NRXN3: variants seen among roughly 807,000 people sequenced by gnomAD.
NRXN3 encodes neurexin III.
Under a neutral mutation model 137.6 loss-of-function variants are expected in NRXN3, and 32 were observed. The observed-to-expected ratio is 0.23, with a 90% CI of 0.18 to 0.31. NRXN3 has a LOEUF of 0.31. Ranked by LOEUF, NRXN3 falls within the 10% of genes least tolerant of loss-of-function variation. NRXN3 has a pLI of 1.00. For missense variants in NRXN3, 1,574 were observed against 2,062.5 expected (o/e 0.76, Z 4.59); for synonymous variants, 798 against 784.5 (o/e 1.02, Z -0.29).
At chr14:78,302,037 C>A (rs1305413183) in intron 4 of NRXN3, among the ~76,000 whole-genome samples, 1 of 152,134 alleles carries the variant, frequency 6.6e-6, no homozygotes, top group Non-Finnish European at 1.5e-5. Context: ...CTCCACCTCT[C>A]CACTGACGCT....
At chr14:79,159,238 A>C (rs1010102916) in intron 15 of NRXN3, among the ~76,000 whole-genome samples, 20 of 151,504 alleles carry the variant, frequency 1.3e-4, no homozygotes, top group Non-Finnish European at 1.6e-4. Flanking sequence ...CATTGCTTTG[A>C]TTGTGCTTTG....
intron 4 of NRXN3, among the ~76,000 whole-genome samples, chr14:78,462,737 G>C (rs1355995197): frequency 6.6e-6 from 1 of 152,100 alleles, no homozygotes; most frequent in African/African-American, 2.4e-5. Flanking sequence ...ATTTGGTATG[G>C]TGTTTCCCTT....
intron 1 of NRXN3, among the ~76,000 whole-genome samples, chr14:78,228,274 A>G (rs1002649909): frequency 6.7e-6 from 1 of 149,598 alleles, no homozygotes; most frequent in African/African-American, 2.5e-5. Context: ...CTCCTGTCTC[A>G]GCCTCCTATG....
chr14:78,956,705 G>C (rs1379515087), intron 10 of NRXN3, among the ~76,000 whole-genome samples: 1 of 152,150 alleles, frequency 6.6e-6, no homozygotes, highest in Non-Finnish European at 1.5e-5. Flanking sequence ...TTACTATTGT[G>C]ATTTCTATGG....
At chr14:78,841,234 T>G (rs2099011487) in intron 10 of NRXN3, among the ~76,000 whole-genome samples, 1 of 152,166 alleles carries the variant, frequency 6.6e-6, no homozygotes, top group Non-Finnish European at 1.5e-5. Flanking sequence ...GTGTCTCTGC[T>G]TTGCTAGAAA....
At chr14:79,108,899 G>T (rs951957576) in intron 15 of NRXN3, among the ~76,000 whole-genome samples, 1 of 152,078 alleles carries the variant, frequency 6.6e-6, no homozygotes, top group African/African-American at 2.4e-5. Context: ...CTAATGGGGA[G>T]ATATCATTAG....
At chr14:79,705,598 A>G (rs1335955080) in intron 19 of NRXN3, among the ~76,000 whole-genome samples, 8 of 152,044 alleles carry the variant, frequency 5.3e-5, no homozygotes, top group Admixed American at 2.0e-4. Flanking sequence ...GTCTCATTCA[A>G]TCTTCTCAGC....
chr14:78,779,320 A>G (rs573952207), intron 8 of NRXN3, among the ~76,000 whole-genome samples: 1 of 152,248 alleles, frequency 6.6e-6, no homozygotes, highest in South Asian at 2.1e-4. Context: ...TAGTCAGCAT[A>G]TTTATTAAAA....
intron 10 of NRXN3, among the ~76,000 whole-genome samples, chr14:78,946,431 T>G (rs2099365392): frequency 6.6e-6 from 1 of 152,166 alleles, no homozygotes; most frequent in Non-Finnish European, 1.5e-5. Context: ...TTCTTCCACA[T>G]GATTGGTGTT....
intron 15 of NRXN3, chr14:79,281,916 G>T (rs546076268): frequency 4.6e-4 from 70 of 152,192 alleles, no homozygotes; most frequent in African/African-American, 1.6e-3. Flanking sequence ...GTAAGTGGAA[G>T]CACATTGAGA....
At chr14:79,329,425 G>C (rs2091360533) in intron 15 of NRXN3, among the ~76,000 whole-genome samples, 1 of 152,148 alleles carries the variant, frequency 6.6e-6, no homozygotes, top group Non-Finnish European at 1.5e-5. Context: ...TAAACCAAGA[G>C]CAGGTGGTAC....
chr14:78,348,194 G>A (rs2083000934), intron 4 of NRXN3, among the ~76,000 whole-genome samples: 1 of 152,160 alleles, frequency 6.6e-6, no homozygotes, highest in African/African-American at 2.4e-5. Context: ...CCTGGGAACA[G>A]CTTGGAAATG....
intron 1 of NRXN3, among the ~76,000 whole-genome samples, chr14:78,200,139 G>A (rs2061551157): frequency 1.3e-5 from 2 of 152,270 alleles, no homozygotes; most frequent in Non-Finnish European, 2.9e-5. Flanking sequence ...AGTCCTTGCT[G>A]GTTCATCTGC....
intron 15 of NRXN3, among the ~76,000 whole-genome samples, chr14:79,085,334 A>C (rs1376531218): frequency 6.6e-6 from 1 of 152,164 alleles, no homozygotes; most frequent in Non-Finnish European, 1.5e-5. Flanking sequence ...TATCAATGTC[A>C]GTCAAGATAA....
At chr14:79,402,872 T>G (rs1223052166) in intron 15 of NRXN3, among the ~76,000 whole-genome samples, 4 of 152,208 alleles carry the variant, frequency 2.6e-5, no homozygotes, top group Non-Finnish European at 5.9e-5. Flanking sequence ...TAAATCTTTT[T>G]GTACAAAAGA....
chr14:79,712,542 C>A (rs921261589), intron 19 of NRXN3, among the ~76,000 whole-genome samples: 10 of 152,180 alleles, frequency 6.6e-5, no homozygotes, highest in African/African-American at 2.4e-4. Flanking sequence ...TGAAAAACAA[C>A]AGACTATATT....
At chr14:78,943,618 A>AT (rs2099358151) in intron 10 of NRXN3, among the ~76,000 whole-genome samples, 4 of 39,966 alleles carry the variant, frequency 1.0e-4, no homozygotes, top group Non-Finnish European at 1.8e-4. Context: ...GTTAAAAAAA[A>AT]AAAATATATA....
chr14:79,742,527 A>C (rs1364844623), intron 19 of NRXN3, among the ~76,000 whole-genome samples: 2 of 152,136 alleles, frequency 1.3e-5, no homozygotes, highest in African/African-American at 4.8e-5. Flanking sequence ...CTATATTATC[A>C]TGTCAATCCA....
At chr14:78,525,484 A>G (rs1158086463) in intron 4 of NRXN3, among the ~76,000 whole-genome samples, 1 of 152,188 alleles carries the variant, frequency 6.6e-6, no homozygotes, top group African/African-American at 2.4e-5. Context: ...TCCTTCATTT[A>G]CCATAGATAA....
Sources: gnomAD v4.1 joint callset for allele counts (sites outside exome capture counted in the v4.1 genomes callset) on GRCh38, gnomAD v4.1.1 for gene constraint, MANE v1.5 for transcripts, NCBI Gene and HGNC (gene_info 2026-07-23, HGNC 2026-07-21) for gene names.